Variants in NLGN4X observed in about 807,000 individuals in gnomAD.
NLGN4X encodes the protein neuroligin-4, X-linked.
Under a neutral mutation model 40.3 loss-of-function variants are expected in NLGN4X, and 3 were observed. The ratio of observed to expected loss-of-function variants is 0.07; its 90% CI spans 0.03 to 0.19. NLGN4X has a LOEUF of 0.19. Ranked by LOEUF, NLGN4X falls within the 10% of genes least tolerant of loss-of-function variation. NLGN4X has a pLI of 1.00. For missense variants in NLGN4X, 382 were observed against 708.3 expected (o/e 0.54, Z 5.23); for synonymous variants, 270 against 306.8 (o/e 0.88, Z 1.25).
intron 3 of NLGN4X, among the ~76,000 whole-genome samples, chrX:6,013,349 C>T (rs1338479694): frequency 9.2e-6 from 1 of 108,442 alleles, no homozygotes; most frequent in Middle Eastern, 4.7e-3. Context: ...GAAATAAACA[C>T]GGTTTACATG....
intron 3 of NLGN4X, among the ~76,000 whole-genome samples, chrX:5,942,629 TG>T (rs2033986405): frequency 9.5e-6 from 1 of 105,181 alleles, no homozygotes; most frequent in African/African-American, 3.5e-5. Context: ...CACTCCTGCC[TG>T]GGAGACAGAG....
At chrX:6,046,778 T>C (rs1037754638) in intron 2 of NLGN4X, among the ~76,000 whole-genome samples, 4 of 109,265 alleles carry the variant, frequency 3.7e-5, no homozygotes, top group African/African-American at 1.3e-4. Flanking sequence ...ACATTAATGT[T>C]ATATATATAC....
chrX:6,154,065 A>C, intron 1 of NLGN4X, among the ~76,000 whole-genome samples: 1 of 112,156 alleles, frequency 8.9e-6, no homozygotes, highest in East Asian at 2.8e-4. Flanking sequence ...TGACATTGTG[A>C]ACCATATAAT....
At chrX:6,185,984 G>A (rs1479576980) in intron 1 of NLGN4X, among the ~76,000 whole-genome samples, 1 of 112,398 alleles carries the variant, frequency 8.9e-6, no homozygotes, top group Non-Finnish European at 1.9e-5. Flanking sequence ...CAGATGCCAG[G>A]CTTTAAACTT....
intron 2 of NLGN4X, among the ~76,000 whole-genome samples, chrX:6,112,063 G>C (rs898702571): frequency 2.7e-5 from 3 of 111,627 alleles, no homozygotes; most frequent in African/African-American, 9.8e-5. Flanking sequence ...ATATAATTTT[G>C]TTTTGCTGGT....
chrX:5,917,003 C>T (rs1022657546), intron 3 of NLGN4X, among the ~76,000 whole-genome samples: 5 of 112,348 alleles, frequency 4.5e-5, no homozygotes, highest in African/African-American at 1.3e-4. Context: ...TCAAGGGATG[C>T]CCTACTTATG....
intron 2 of NLGN4X, among the ~76,000 whole-genome samples, chrX:6,111,570 C>T (rs2039149686): frequency 9.0e-6 from 1 of 110,835 alleles, no homozygotes; most frequent in Admixed American, 9.6e-5. Context: ...GAGTCCTCAT[C>T]GCTACTAAAA....
chrX:5,921,085 G>T (rs2033014305), intron 3 of NLGN4X, among the ~76,000 whole-genome samples: 1 of 104,763 alleles, frequency 9.5e-6, no homozygotes, highest in Non-Finnish European at 1.9e-5. Context: ...ATGTGCTTTT[G>T]TATAGAAAAA....
intron 3 of NLGN4X, among the ~76,000 whole-genome samples, chrX:5,925,879 C>CATATATATATATATATAT (rs2033268045): frequency 4.3e-5 from 2 of 46,804 alleles, no homozygotes; most frequent in Non-Finnish European, 7.8e-5. Context: ...TATACATACA[C>CATATATATATATATATAT]ACATATATAT....
At chrX:5,916,474 G>C (rs947229128) in intron 3 of NLGN4X, among the ~76,000 whole-genome samples, 2 of 111,304 alleles carry the variant, frequency 1.8e-5, no homozygotes, top group Non-Finnish European at 3.8e-5. Context: ...TTTTGAGACA[G>C]AGTTTCGCTC....
intron 3 of NLGN4X, among the ~76,000 whole-genome samples, chrX:5,939,497 T>A (rs1278768373): frequency 9.0e-6 from 1 of 111,281 alleles, no homozygotes; most frequent in Non-Finnish European, 1.9e-5. Flanking sequence ...ATCAAATAAA[T>A]TGGCTGAATT....
intron 1 of NLGN4X, among the ~76,000 whole-genome samples, chrX:6,182,148 T>C (rs1921519269): frequency 8.9e-6 from 1 of 111,934 alleles, no homozygotes; most frequent in South Asian, 3.7e-4. Context: ...ACAGGATATG[T>C]AGACAGATGT....
intron 2 of NLGN4X, among the ~76,000 whole-genome samples, chrX:6,081,896 C>T (rs1044505884): frequency 2.1e-4 from 24 of 111,940 alleles, no homozygotes; most frequent in Admixed American, 2.0e-3. Context: ...TGTACAGTTG[C>T]GATCAATAAA....
At chrX:6,152,990 G>T (rs2040195724) in intron 1 of NLGN4X, among the ~76,000 whole-genome samples, 1 of 112,430 alleles carries the variant, frequency 8.9e-6, no homozygotes, top group South Asian at 3.7e-4. Context: ...GACAATAAAA[G>T]AATGCTGTGC....
chrX:5,979,128 G>C (rs1416313523), intron 3 of NLGN4X, among the ~76,000 whole-genome samples: 1 of 111,206 alleles, frequency 9.0e-6, no homozygotes. Flanking sequence ...TCTGCTTACA[G>C]ACAGGCATTA....
chrX:6,059,997 A>AT (rs2037729689), intron 2 of NLGN4X, among the ~76,000 whole-genome samples: 1 of 111,931 alleles, frequency 8.9e-6, no homozygotes, highest in South Asian at 3.7e-4. Flanking sequence ...AATTTCTTCC[A>AT]TTTTTGTGGA....
At chrX:6,216,689 C>G (rs1378960547) in intron 1 of NLGN4X, among the ~76,000 whole-genome samples, 1 of 112,377 alleles carries the variant, frequency 8.9e-6, no homozygotes, top group African/African-American at 3.2e-5. Flanking sequence ...TTTTCATAAG[C>G]TATGTTTAAA....
chrX:5,908,461 T>A (rs1376455842), intron 4 of NLGN4X, among the ~76,000 whole-genome samples: 1 of 111,673 alleles, frequency 9.0e-6, no homozygotes, highest in Non-Finnish European at 1.9e-5. Flanking sequence ...TCCATACTAC[T>A]TTTACTAAGT....
intron 3 of NLGN4X, among the ~76,000 whole-genome samples, chrX:6,015,011 C>T (rs767008671): frequency 3.6e-5 from 4 of 111,959 alleles, no homozygotes; most frequent in Non-Finnish European, 7.5e-5. Flanking sequence ...TTTGCCTTAT[C>T]TGTGAAACTT....
Sources: allele counts gnomAD v4.1 joint callset (sites outside exome capture counted in the v4.1 genomes callset), GRCh38; gene constraint gnomAD v4.1.1; transcripts MANE v1.5; gene names NCBI Gene and HGNC (gene_info 2026-07-23, HGNC 2026-07-21).